ERBB4: variants seen among roughly 807,000 people sequenced by gnomAD.
ERBB4 encodes erb-b2 receptor tyrosine kinase 4.
A neutral mutation model predicts 158.0 loss-of-function variants in ERBB4; 42 were observed. The observed-to-expected ratio is 0.27, with a 90% CI of 0.21 to 0.34. ERBB4 has a LOEUF of 0.34. ERBB4 is among the 10% of genes least tolerant of loss of function. The pLI is 1.00. For missense variants in ERBB4, 1,333 were observed against 1,624.1 expected (o/e 0.82, Z 3.08); for synonymous variants, 583 against 558.7 (o/e 1.04, Z -0.61).
At chr2:212,000,894 G>C (rs571555842) in intron 2 of ERBB4, among the ~76,000 whole-genome samples, 4 of 151,338 alleles carry the variant, frequency 2.6e-5, no homozygotes, top group Admixed American at 2.6e-4. Context: ...TATGTGTAAA[G>C]AAAAAAAATA....
At chr2:212,522,028 T>G (rs1692197689) in intron 1 of ERBB4, among the ~76,000 whole-genome samples, 1 of 151,964 alleles carries the variant, frequency 6.6e-6, no homozygotes, top group African/African-American at 2.4e-5. Flanking sequence ...GCAAAATCAC[T>G]GTCAATGACC....
Position 211,870,620 on chromosome 2 carries a change from T to C in ERBB4, c.421+76810A>G, listed in dbSNP as rs1046997513. ...ACCCTTTGTGGTAATATAACAACCTTGGCATAAATATAATGTTATAGTGCA... is the reference window on the plus strand; with the variant it reads ...ACCCTTTGTGGTAATATAACAACCTCGGCATAAATATAATGTTATAGTGCA... On this transcript the variant is annotated intron_variant, in intron 3 of 27. Transcript: ENST00000342788. Among the ~76,000 whole-genome samples the C allele has an allele frequency of 6.6e-5, 10 of 152,250 alleles. 2 individuals are homozygous for C. Among genetic ancestry groups the C allele is most frequent in the African/African-American group, 2.4e-4 (10 of 41,562 alleles).
intron 1 of ERBB4, among the ~76,000 whole-genome samples, chr2:212,294,460 G>T (rs1368127263): frequency 6.6e-6 from 1 of 151,768 alleles, no homozygotes; most frequent in African/African-American, 2.4e-5. Context: ...ATAATATTTT[G>T]TCTTAAATAT....
At chr2:212,452,924 T>G (rs1474542168) in intron 1 of ERBB4, among the ~76,000 whole-genome samples, 1 of 152,196 alleles carries the variant, frequency 6.6e-6, no homozygotes. Context: ...TTCTCAAAAC[T>G]GTATAATTTC....
chr2:212,129,459 G>A (rs926968367), intron 1 of ERBB4, among the ~76,000 whole-genome samples: 2 of 150,812 alleles, frequency 1.3e-5, no homozygotes, highest in Non-Finnish European at 3.0e-5. Context: ...ATTCAAATCT[G>A]GATAGTTATA....
At chr2:211,774,317 CT>C (rs1390616606) in intron 4 of ERBB4, among the ~76,000 whole-genome samples, 5 of 152,082 alleles carry the variant, frequency 3.3e-5, no homozygotes, top group African/African-American at 1.2e-4. Context: ...GGTGATGCCC[CT>C]GCCTCGGCCT....
At chr2:212,501,108 G>C (rs549678417) in intron 1 of ERBB4, among the ~76,000 whole-genome samples, 13 of 152,252 alleles carry the variant, frequency 8.5e-5, no homozygotes, top group African/African-American at 3.1e-4. Flanking sequence ...TTTGTACACA[G>C]CAAATAACAC....
At chr2:211,889,005 T>G (rs2078889034) in intron 3 of ERBB4, among the ~76,000 whole-genome samples, 1 of 146,350 alleles carries the variant, frequency 6.8e-6, no homozygotes, top group Non-Finnish European at 1.5e-5. Context: ...CTTGCTTAGG[T>G]AAACAAAGCA....
At chr2:211,798,898 C>A (rs999659375) in intron 3 of ERBB4, among the ~76,000 whole-genome samples, 2 of 152,172 alleles carry the variant, frequency 1.3e-5, no homozygotes, top group African/African-American at 4.8e-5. Flanking sequence ...CTTTCCCACA[C>A]TGAAGTATCT....
chr2:211,721,443 C>CAAAAAAAA lies in ERBB4; in HGVS notation c.883+942_883+949dup, dbSNP rs71054136. On this transcript the variant is annotated intron_variant, in intron 7 of 27. Transcript: ENST00000342788. Reference sequence around the variant, plus strand: ...GAAATGTCCCATTGGTTACTCAAAGCAAAAAAAAAAAAAAAAAAAAAATAG... The same window carrying CAAAAAAAA: ...GAAATGTCCCATTGGTTACTCAAAGCAAAAAAAAAAAAAAAAAAAAAAAAAAAAAATAG... 7.6e-3 allele frequency among the ~76,000 whole-genome samples: 411 copies of CAAAAAAAA among 54,418 alleles called. 76 individuals carry two copies. Among genetic ancestry groups the CAAAAAAAA allele is most frequent in the African/African-American group, 0.028 (291 of 10,522 alleles). The allele number at this position is 54,418 out of a possible 152,430, so 35.7% of individuals were successfully genotyped here. A position where few individuals can be genotyped will look rare whatever the true frequency, so the allele number is the denominator to read the frequency against.
At chr2:212,323,956 G>A (rs1332899886) in intron 1 of ERBB4, among the ~76,000 whole-genome samples, 3 of 150,376 alleles carry the variant, frequency 2.0e-5, no homozygotes, top group Non-Finnish European at 4.5e-5. Flanking sequence ...CACACCTCAC[G>A]CCTTAGTTTG....
chr2:212,045,721 T>G (rs1264291795), intron 2 of ERBB4, among the ~76,000 whole-genome samples: 3 of 152,206 alleles, frequency 2.0e-5, no homozygotes, highest in African/African-American at 7.2e-5. Flanking sequence ...CTTTCTCCTG[T>G]CCTTACAGAT....
chr2:212,347,187 T>C (rs2089044629), intron 1 of ERBB4, among the ~76,000 whole-genome samples: 1 of 152,134 alleles, frequency 6.6e-6, no homozygotes, highest in African/African-American at 2.4e-5. Context: ...AGATTTGATA[T>C]GCAGATAAAT....
At chr2:211,746,765 G>A (rs1029134229) in intron 5 of ERBB4, among the ~76,000 whole-genome samples, 22 of 150,732 alleles carry the variant, frequency 1.5e-4, no homozygotes, top group Non-Finnish European at 2.5e-4. Context: ...GGGAGGCGGA[G>A]GTTGCACGGA....
chr2:211,888,690 G>A (rs929168347), intron 3 of ERBB4, among the ~76,000 whole-genome samples: 5 of 151,626 alleles, frequency 3.3e-5, no homozygotes, highest in South Asian at 2.1e-4. Flanking sequence ...CAGTGGGTGC[G>A]CGCACCGTGC....
At chr2:211,956,352 T>C (rs1224666273) in intron 2 of ERBB4, among the ~76,000 whole-genome samples, 1 of 152,130 alleles carries the variant, frequency 6.6e-6, no homozygotes, top group Non-Finnish European at 1.5e-5. Flanking sequence ...TTCGGCACTT[T>C]CGTACAACTG....
chr2:211,997,139 C>T lies in ERBB4; in HGVS notation c.235-49523G>A, dbSNP rs555964844. 4.6e-5 allele frequency among the ~76,000 whole-genome samples: 7 copies of T among 151,932 alleles called. No homozygotes were observed. In the South Asian group the frequency reaches 1.5e-3, roughly 32 times the overall value. ...TATCTAGTGTCTTGCATTTAAACCC[C>T]GTTTGCCGGATTAACTGCAAATGTA... is the stretch of plus-strand genomic sequence containing the variant. On this transcript the variant is annotated intron_variant, in intron 2 of 27. Transcript: ENST00000342788.
At chr2:212,082,241 T>C (rs1271196080) in intron 2 of ERBB4, among the ~76,000 whole-genome samples, 2 of 152,102 alleles carry the variant, frequency 1.3e-5, no homozygotes, top group Non-Finnish European at 1.5e-5. Context: ...AATTATTTCA[T>C]TTAAGTATAA....
At chr2:212,498,355 T>C (rs1227845886) in intron 1 of ERBB4, among the ~76,000 whole-genome samples, 1 of 152,160 alleles carries the variant, frequency 6.6e-6, no homozygotes, top group Non-Finnish European at 1.5e-5. Flanking sequence ...CCAACTTGAC[T>C]AATTTACCAT....
Sources: gnomAD v4.1 joint callset for allele counts (sites outside exome capture counted in the v4.1 genomes callset) on GRCh38, gnomAD v4.1.1 for gene constraint, MANE v1.5 for transcripts, NCBI Gene and HGNC (gene_info 2026-07-23, HGNC 2026-07-21) for gene names.